LNX1: variants seen among roughly 807,000 people sequenced by gnomAD.
LNX1 encodes ligand of numb-protein X 1, also known as E3 ubiquitin-protein ligase LNX.
In LNX1, 54 loss-of-function variants were observed where a neutral mutation model predicts 68.4. That is an observed-to-expected ratio of 0.79 (90% CI 0.63 to 0.99). The LOEUF is 0.99. LNX1 is among the 50% of genes least tolerant of loss of function. The pLI, the probability that LNX1 is intolerant of heterozygous loss-of-function variation, is 0.00. For missense variants in LNX1, 906 were observed against 926.4 expected, an observed-to-expected ratio of 0.98 and a Z score of 0.29; for synonymous variants, 336 against 350.0, an observed-to-expected ratio of 0.96 and a Z score of 0.45.
At chr4:53,508,462 A>C in intron 2 of LNX1, 1 of 518,436 alleles carries the variant, frequency 1.9e-6, no homozygotes, top group South Asian at 2.5e-5. Context: ...CATTCTCTTA[A>C]AGCAATCTCT....
intron 2 of LNX1, among the ~76,000 whole-genome samples, chr4:53,531,005 A>C (rs1656246102): frequency 1.3e-5 from 2 of 152,150 alleles, no homozygotes; most frequent in African/African-American, 2.4e-5. Flanking sequence ...ACTCCACAAA[A>C]AATACAAAAA....
Position 53,515,950 on chromosome 4 carries a change from T to G in LNX1, c.381-7723A>C, listed in dbSNP as rs763703547. The stretch of plus-strand genomic sequence containing the variant: ...GGCACAGTGTTTATTTACCATGAGG[T>G]TTAAAGATTCGCACAAAAGGCCGAG... On this transcript the variant is annotated intron_variant, in intron 2 of 10. Coordinates refer to ENST00000263925, the MANE Select transcript of LNX1 (RefSeq NM_001126328.3). Among the ~76,000 whole-genome samples, 9 of 152,262 alleles carry G rather than the reference T, an allele frequency of 5.9e-5. No individual in the cohort carries two copies. The East Asian group carries it at 9.7e-4, about 16-fold the overall frequency.
At chr4:53,554,117 G>A (rs781295462) in intron 2 of LNX1, among the ~76,000 whole-genome samples, 15 of 152,262 alleles carry the variant, frequency 9.9e-5, no homozygotes, top group Non-Finnish European at 1.6e-4. Flanking sequence ...TTAGGGAGAG[G>A]GTCCTAAGCA....
chr4:53,548,842 C>T (rs1469580963), intron 2 of LNX1, among the ~76,000 whole-genome samples: 1 of 152,110 alleles, frequency 6.6e-6, no homozygotes, highest in Non-Finnish European at 1.5e-5. Context: ...TACTATGCAG[C>T]CATAAAAAAG....
chr4:53,565,223 A>G (rs1324663509), intron 2 of LNX1, among the ~76,000 whole-genome samples: 2 of 152,128 alleles, frequency 1.3e-5, no homozygotes, highest in Non-Finnish European at 2.9e-5. Context: ...AGACAGCAGT[A>G]ACCTCTGCAG....
chr4:53,584,646 T>C (rs982554236), intron 1 of LNX1, among the ~76,000 whole-genome samples: 3 of 152,208 alleles, frequency 2.0e-5, no homozygotes, highest in Non-Finnish European at 1.5e-5. Context: ...TAGTGATCTC[T>C]TGATGTGACC....
At chr4:53,497,133 C>T (rs1725125728) in intron 5 of LNX1, among the ~76,000 whole-genome samples, 1 of 152,200 alleles carries the variant, frequency 6.6e-6, no homozygotes, top group African/African-American at 2.4e-5. Flanking sequence ...TATAAAGCTA[C>T]TTAAACAAGC....
intron 1 of LNX1, among the ~76,000 whole-genome samples, chr4:53,626,689 T>C (rs1174756980): frequency 6.6e-6 from 1 of 152,202 alleles, no homozygotes; most frequent in African/African-American, 2.4e-5. Context: ...GTTGCTCTTT[T>C]TGCCATAAAT....
rs148586032 is a variant in LNX1, at chr4:53,529,326, G to A, written c.381-21099C>T. Among the ~76,000 whole-genome samples the A allele has an allele frequency of 4.9e-4, 75 of 152,226 alleles. No homozygotes were observed. In the East Asian group the frequency reaches 0.013, roughly 26 times the overall value. Reference sequence around the variant, plus strand: ...CTGCCTGGGAGCAGGCAGTGGGGACGGCAGCATAGTTGAGGAGACAAGGTA... The same window carrying A: ...CTGCCTGGGAGCAGGCAGTGGGGACAGCAGCATAGTTGAGGAGACAAGGTA... On this transcript the variant is annotated intron_variant, in intron 2 of 10. Coordinates refer to ENST00000263925, the MANE Select transcript of LNX1 (RefSeq NM_001126328.3).
At chr4:53,507,104 C>T in intron 4 of LNX1, among the ~76,000 whole-genome samples, 1 of 152,130 alleles carries the variant, frequency 6.6e-6, no homozygotes, top group Non-Finnish European at 1.5e-5. Flanking sequence ...GTGAGGGTTT[C>T]AACACTTTTT....
intron 7 of LNX1, 76 bp downstream of exon 7, chr4:53,481,644 T>C (rs1723917542): frequency 2.7e-6 from 4 of 1,507,264 alleles, no homozygotes; most frequent in South Asian, 2.5e-5. Context: ...AGATGACACT[T>C]AGACATGTTA....
At chr4:53,585,569 T>C (rs1359001906) in intron 1 of LNX1, among the ~76,000 whole-genome samples, 3 of 152,166 alleles carry the variant, frequency 2.0e-5, no homozygotes, top group African/African-American at 7.2e-5. Flanking sequence ...TTCTGGATTA[T>C]CTGAGTGGGT....
At chr4:53,522,816 C>A (rs1467027307) in intron 2 of LNX1, among the ~76,000 whole-genome samples, 1 of 152,058 alleles carries the variant, frequency 6.6e-6, no homozygotes, top group African/African-American at 2.4e-5. Flanking sequence ...AAACCAAAAC[C>A]AAACCAAACC....
intron 2 of LNX1, among the ~76,000 whole-genome samples, chr4:53,517,820 T>A (rs964510848): frequency 7.2e-5 from 11 of 152,222 alleles, no homozygotes; most frequent in Non-Finnish European, 1.5e-4. Context: ...AGAGGTGAAC[T>A]GAATATCAGT....
intron 2 of LNX1, among the ~76,000 whole-genome samples, chr4:53,565,804 G>A (rs1405247107): frequency 6.6e-6 from 1 of 151,006 alleles, no homozygotes; most frequent in African/African-American, 2.4e-5. Context: ...AGTGCTTAAA[G>A]GAGCTGATGG....
intron 1 of LNX1, among the ~76,000 whole-genome samples, chr4:53,582,570 T>A (rs1438355057): frequency 1.3e-5 from 2 of 152,244 alleles, no homozygotes; most frequent in Non-Finnish European, 2.9e-5. Context: ...TTTGCACATT[T>A]AAAAGTTATT....
intron 2 of LNX1, among the ~76,000 whole-genome samples, chr4:53,561,438 T>C (rs73147477): frequency 0.16 from 24,405 of 152,068 alleles, 2,604 homozygotes; most frequent in African/African-American, 0.3. Context: ...GTGTTGGCCA[T>C]GATGGTCTTG....
chr4:53,616,995 A>G (rs1733704782), intron 1 of LNX1, among the ~76,000 whole-genome samples: 1 of 152,188 alleles, frequency 6.6e-6, no homozygotes, highest in Admixed American at 6.5e-5. Flanking sequence ...TATCATTTGT[A>G]CTTCTCATTA....
At chr4:53,579,208 T>C (rs1036890243) in intron 1 of LNX1, 4 of 954,072 alleles carry the variant, frequency 4.2e-6, no homozygotes, top group Non-Finnish European at 5.0e-6. Flanking sequence ...TTTGGCAGTT[T>C]AGAGTAAGAA....
Sources: allele counts gnomAD v4.1 joint callset (sites outside exome capture counted in the v4.1 genomes callset), GRCh38; gene constraint gnomAD v4.1.1; transcripts MANE v1.5; gene names NCBI Gene and HGNC (gene_info 2026-07-23, HGNC 2026-07-21).